The following TSNARE1 variants were observed in gnomAD, a reference collection of about 807,000 sequenced individuals.
TSNARE1 encodes the protein t-SNARE domain-containing protein 1.
A neutral mutation model predicts 62.0 loss-of-function variants in TSNARE1; 49 were observed. The observed-to-expected ratio is 0.79, with a 90% CI of 0.63 to 1.00. The LOEUF (loss-of-function observed/expected upper bound fraction) is 1.00. Among genes scored for constraint, TSNARE1 ranks in the 50% least tolerant of loss-of-function variants. The probability of loss-of-function intolerance (pLI) is 0.00; values close to 1 mark genes in which losing one functional copy is unlikely to be tolerated. For missense variants in TSNARE1, 755 were observed against 700.1 expected (o/e 1.08, Z -0.88); for synonymous variants, 328 against 294.4 (o/e 1.11, Z -1.17).
intron 12 of TSNARE1, among the ~76,000 whole-genome samples, chr8:142,272,070 C>T (rs1334159591): frequency 6.6e-6 from 1 of 152,040 alleles, no homozygotes; most frequent in Non-Finnish European, 1.5e-5. Flanking sequence ...CACATAGACA[C>T]GCCCACCACA....
intron 9 of TSNARE1, among the ~76,000 whole-genome samples, chr8:142,309,833 C>A (rs1827287271): frequency 6.6e-6 from 1 of 152,148 alleles, no homozygotes; most frequent in Admixed American, 6.5e-5. Context: ...AGCTACTGCT[C>A]AAATATGGGA....
Position 142,217,379 on chromosome 8 carries a change from G to GAAGA in TSNARE1, c.*12-5067_*12-5066insTCTT, listed in dbSNP as rs1563750495. Among the ~76,000 whole-genome samples the GAAGA allele has an allele frequency of 7.9e-4, 110 of 138,966 alleles. 1 individual carries two copies. The highest frequency in any genetic ancestry group is 2.8e-3 in the African/African-American group (97 of 34,174). 91.2% of individuals were successfully genotyped at this position (138,966 alleles called of 152,430 possible). ...AGAAAGAAAGAAAGAAAGAAAAAAG[G>GAAGA]GAAAGAAAGAAAAAGCAAGCAAGCA... On this transcript the variant is annotated intron_variant, in intron 13 of 13. Transcript: ENST00000524325.
intron 12 of TSNARE1, among the ~76,000 whole-genome samples, chr8:142,233,159 G>C (rs4976979): frequency 0.53 from 81,301 of 152,130 alleles, 22,807 homozygotes; most frequent in African/African-American, 0.69. Context: ...GACCTGAGTA[G>C]ACTGCAGAGG....
intron 9 of TSNARE1, 140 bp from the exon 10 acceptor site, chr8:142,300,784 G>GATCT: frequency 2.6e-5 from 21 of 823,406 alleles, no homozygotes; most frequent in Admixed American, 7.2e-5. Flanking sequence ...GTCTGAGGCG[G>GATCT]GGGCCTTCTG....
chr8:142,226,970 G>C (rs1336740907), intron 13 of TSNARE1, among the ~76,000 whole-genome samples: 8 of 100,282 alleles, frequency 8.0e-5, no homozygotes, highest in South Asian at 3.5e-4. Context: ...CACCCACACG[G>C]CAGTGACAGC....
At chr8:142,264,831 T>A (rs1408136191) in intron 12 of TSNARE1, among the ~76,000 whole-genome samples, 1 of 152,208 alleles carries the variant, frequency 6.6e-6, no homozygotes, top group Admixed American at 6.5e-5. Flanking sequence ...TGTTATTTTT[T>A]CCTCCAATCT....
chr8:142,273,110 C>T (rs1331975961), intron 12 of TSNARE1: 1 of 985,448 alleles, frequency 1.0e-6, no homozygotes, highest in African/African-American at 1.7e-5. Flanking sequence ...ACTGAGCCCA[C>T]AGGCTCACTG....
chr8:142,304,738 C>T (rs1270067429), intron 9 of TSNARE1, among the ~76,000 whole-genome samples: 1 of 152,222 alleles, frequency 6.6e-6, no homozygotes, highest in Non-Finnish European at 1.5e-5. Flanking sequence ...AGCAGAGATG[C>T]CATGAGATGC....
chr8:142,350,075 CAGGCAGGG>C, intron 2 of TSNARE1, among the ~76,000 whole-genome samples: 1 of 49,578 alleles, frequency 2.0e-5, no homozygotes, highest in Admixed American at 2.3e-4. Context: ...GGGACCAGGG[CAGGCAGGG>C]CAGGCAGGGC....
At chr8:142,318,427 G>A in intron 7 of TSNARE1, 117 bp downstream of exon 7, 1 of 1,016,466 alleles carries the variant, frequency 9.8e-7, no homozygotes, top group Non-Finnish European at 1.5e-6. Context: ...GCCAGTCTGT[G>A]TCCATCCACA....
rs549273656 is a variant in TSNARE1, at chr8:142,276,148, G to C, written c.1364-1285C>G. On this transcript the variant is annotated intron_variant, in intron 11 of 13. Coordinates refer to ENST00000524325, the MANE Select transcript of TSNARE1 (RefSeq NM_145003.5). ...GCCGCATCTGGGGGCTCCTGCCCTA[G>C]CCAGGGAGGGGAGAGCCAGGCTCCT... is the stretch of plus-strand genomic sequence containing the variant. The C allele has an allele frequency of 1.8e-5, 18 of 985,448 alleles. No individual in the cohort carries two copies. The African/African-American group carries it at 3.0e-4, about 16-fold the overall frequency. The allele number at this position is 985,448 out of a possible 1,614,324, so 61.0% of individuals were successfully genotyped here.
intron 10 of TSNARE1, among the ~76,000 whole-genome samples, chr8:142,296,785 T>C (rs2131226768): frequency 6.6e-6 from 1 of 151,586 alleles, no homozygotes; most frequent in South Asian, 2.1e-4. Context: ...GTCCTCAGGG[T>C]GGGTCTCGGC....
chr8:142,345,386 G>A (rs553316400), intron 3 of TSNARE1, among the ~76,000 whole-genome samples: 2 of 152,310 alleles, frequency 1.3e-5, no homozygotes, highest in South Asian at 2.1e-4. Flanking sequence ...CCAAACCACA[G>A]CAAGCACTCT....
chr8:142,230,611 T>C (rs1817056247), intron 12 of TSNARE1, among the ~76,000 whole-genome samples: 1 of 151,748 alleles, frequency 6.6e-6, no homozygotes, highest in Admixed American at 6.6e-5. Context: ...GAGGGTAAGA[T>C]GGAACAGAGT....
chr8:142,281,241 C>T (rs1821399469), intron 11 of TSNARE1, among the ~76,000 whole-genome samples: 1 of 152,096 alleles, frequency 6.6e-6, no homozygotes, highest in African/African-American at 2.4e-5. Flanking sequence ...CCAGGGGCAG[C>T]CTGGCTCTTC....
chr8:142,296,945 G>T (rs1389753106), intron 10 of TSNARE1, among the ~76,000 whole-genome samples: 2 of 152,164 alleles, frequency 1.3e-5, no homozygotes, highest in South Asian at 4.1e-4. Context: ...CCAGCCTCAT[G>T]GCACCCCCTG....
chr8:142,213,659 C>T (rs562359216), intron 13 of TSNARE1, among the ~76,000 whole-genome samples: 134 of 152,252 alleles, frequency 8.8e-4, no homozygotes, highest in Non-Finnish European at 1.6e-3. Context: ...GGGAGGGGGC[C>T]CCTCAGGACT....
chr8:142,277,945 A>C, intron 11 of TSNARE1: 1 of 985,276 alleles, frequency 1.0e-6, no homozygotes, highest in Non-Finnish European at 1.2e-6. Flanking sequence ...CCTTGCCATG[A>C]AGCACCCCCA....
chr8:142,343,018 C>G (rs1164635430), intron 4 of TSNARE1, among the ~76,000 whole-genome samples: 1 of 152,212 alleles, frequency 6.6e-6, no homozygotes, highest in Non-Finnish European at 1.5e-5. Context: ...CAGCACCTGC[C>G]CGGGCCCACC....
Sources: allele counts gnomAD v4.1 joint callset (sites outside exome capture counted in the v4.1 genomes callset), GRCh38; gene constraint gnomAD v4.1.1; transcripts MANE v1.5; gene names NCBI Gene and HGNC (gene_info 2026-07-23, HGNC 2026-07-21).